The following PLPPR5 variants were observed in gnomAD, a reference collection of about 807,000 sequenced individuals.
PLPPR5 encodes phospholipid phosphatase-related protein type 5.
In PLPPR5, 16 loss-of-function variants were observed where a neutral mutation model predicts 33.9. The ratio of observed to expected loss-of-function variants is 0.47; its 90% CI spans 0.32 to 0.72. PLPPR5 has a LOEUF of 0.72. PLPPR5 is among the 30% of genes least tolerant of loss of function. PLPPR5 has a pLI of 0.03. For missense variants in PLPPR5, 301 were observed against 406.7 expected (o/e 0.74, Z 2.23); for synonymous variants, 163 against 150.3 (o/e 1.08, Z -0.62).
intron 5 of PLPPR5, among the ~76,000 whole-genome samples, chr1:98,900,706 C>T (rs1026141845): frequency 1.3e-5 from 2 of 152,106 alleles, no homozygotes; most frequent in Non-Finnish European, 2.9e-5. Flanking sequence ...AGCAACCTAA[C>T]ACTACTTGAC....
intron 3 of PLPPR5, among the ~76,000 whole-genome samples, chr1:98,935,889 A>G (rs1297588400): frequency 6.6e-6 from 1 of 152,144 alleles, no homozygotes; most frequent in African/African-American, 2.4e-5. Context: ...AAAAAACTAC[A>G]GAGACATTCG....
chr1:98,928,058 TA>T (rs1349532188), intron 3 of PLPPR5, among the ~76,000 whole-genome samples: 2 of 152,180 alleles, frequency 1.3e-5, no homozygotes, highest in African/African-American at 4.8e-5. Context: ...CTACTGAAGC[TA>T]AACACTTCTT....
chr1:98,972,543 T>C (rs752672202), intron 1 of PLPPR5, among the ~76,000 whole-genome samples: 1 of 152,134 alleles, frequency 6.6e-6, no homozygotes, highest in African/African-American at 2.4e-5. Flanking sequence ...TATGATACCA[T>C]TAGAATATTG....
At position 98,953,093 on chromosome 1, in the gene PLPPR5, C is replaced by T. The variant is rs1404926567; in HGVS notation, c.598G>A (p.Val200Ile). ...TFPSKEAALS[V>I]YAAMYLTMYI... ...ACGGTCAGATACATAGCTGCATAGA[C>T]ACTGAGAGCTGCTTCTTTGGATGGA... The change falls in exon 3 of 6, where the codon GTC becomes ATC. Residue 200 changes from valine (V) to isoleucine (I), a missense_variant. Val to Ile is a conservative substitution (Grantham distance 29). Coordinates refer to ENST00000263177, the MANE Select transcript of PLPPR5 (RefSeq NM_001037317.2). 3 of 1,614,062 alleles carry T rather than the reference C, an allele frequency of 1.9e-6. No individual in the cohort carries two copies.
At chr1:98,918,008 T>C (rs183263915) in intron 4 of PLPPR5, among the ~76,000 whole-genome samples, 1 of 152,362 alleles carries the variant, frequency 6.6e-6, no homozygotes, top group Admixed American at 6.5e-5. Context: ...GACTTCCGCA[T>C]GTATAATTCT....
chr1:98,976,946 A>G (rs1651885729), intron 1 of PLPPR5, among the ~76,000 whole-genome samples: 1 of 152,018 alleles, frequency 6.6e-6, no homozygotes, highest in Non-Finnish European at 1.5e-5. Flanking sequence ...GCTCCACAAT[A>G]ATAATTGCTC....
At chr1:98,972,817 G>T (rs1182525901) in intron 1 of PLPPR5, among the ~76,000 whole-genome samples, 4 of 152,040 alleles carry the variant, frequency 2.6e-5, no homozygotes, top group African/African-American at 7.2e-5. Flanking sequence ...TGTAGGCCTG[G>T]GCATGGCGTG....
intron 3 of PLPPR5, among the ~76,000 whole-genome samples, chr1:98,950,249 A>G (rs1236410965): frequency 6.6e-6 from 1 of 152,228 alleles, no homozygotes; most frequent in Non-Finnish European, 1.5e-5. Context: ...CGAGGATTCA[A>G]TAAATTATCA....
chr1:98,988,204 G>C (rs1430453966), intron 1 of PLPPR5, among the ~76,000 whole-genome samples: 1 of 152,052 alleles, frequency 6.6e-6, no homozygotes, highest in Non-Finnish European at 1.5e-5. Flanking sequence ...GTTTTAAAAA[G>C]TCAAATCTGA....
At position 98,946,071 on chromosome 1, in the gene PLPPR5, A is replaced by G. The variant is rs568404410; in HGVS notation, c.621+6999T>C. ...GGTCACATCAGTATAAGGGCTCTCA[A>G]TCTTAAGGAAACCAGCTAAATCCAA... On this transcript the variant is annotated intron_variant, in intron 3 of 5. Coordinates refer to ENST00000263177, the MANE Select transcript of PLPPR5 (RefSeq NM_001037317.2). Among the ~76,000 whole-genome samples, 5 of 152,258 alleles carry G rather than the reference A, an allele frequency of 3.3e-5. No homozygotes were observed. The South Asian group carries it at 1.0e-3, about 32-fold the overall frequency.
At chr1:98,902,115 T>C (rs1036929918) in intron 5 of PLPPR5, among the ~76,000 whole-genome samples, 1 of 152,050 alleles carries the variant, frequency 6.6e-6, no homozygotes, top group Non-Finnish European at 1.5e-5. Flanking sequence ...CTCCTTAAAA[T>C]GGAAATAAGA....
chr1:99,005,241 A>C (rs941727665), upstream of PLPPR5, among the ~76,000 whole-genome samples: 2 of 152,116 alleles, frequency 1.3e-5, no homozygotes, highest in Admixed American at 1.3e-4. Flanking sequence ...AGGTTTAAGA[A>C]ACCCGCACAA....
chr1:98,963,415 C>T (rs527253512), intron 1 of PLPPR5, among the ~76,000 whole-genome samples: 2 of 152,296 alleles, frequency 1.3e-5, no homozygotes, highest in Admixed American at 1.3e-4. Context: ...TATCTTTAAA[C>T]TTCTACTATT....
intron 1 of PLPPR5, among the ~76,000 whole-genome samples, chr1:98,963,647 T>A (rs577215861): frequency 6.6e-6 from 1 of 152,254 alleles, no homozygotes; most frequent in African/African-American, 2.4e-5. Context: ...GAGCCTCTCC[T>A]CCAGCTTTTC....
chr1:98,939,016 T>A (rs928555424), intron 3 of PLPPR5, among the ~76,000 whole-genome samples: 1 of 152,028 alleles, frequency 6.6e-6, no homozygotes, highest in African/African-American at 2.4e-5. Context: ...GAAAAACAAC[T>A]AATGGGTCCT....
At chr1:98,894,007 T>G (rs1648379236) in intron 5 of PLPPR5, among the ~76,000 whole-genome samples, 1 of 152,106 alleles carries the variant, frequency 6.6e-6, no homozygotes, top group Non-Finnish European at 1.5e-5. Context: ...CAAGTTTAAG[T>G]ATTTTAATTC....
intron 3 of PLPPR5, among the ~76,000 whole-genome samples, chr1:98,927,479 G>A (rs1649810352): frequency 6.6e-6 from 1 of 152,198 alleles, no homozygotes. Flanking sequence ...CTCACAGGAA[G>A]TAAAGATCCT....
intron 5 of PLPPR5, among the ~76,000 whole-genome samples, chr1:98,910,885 A>T (rs1401418553): frequency 9.3e-6 from 1 of 107,726 alleles, no homozygotes; most frequent in East Asian, 2.1e-4. Context: ...CTAGCCAGAG[A>T]GTGTTTTTTT....
In PLPPR5 at chr1:99,002,628, T is replaced by C. The variant is rs1174887324; in HGVS notation, c.237+1807A>G. On this transcript the variant is annotated intron_variant, in intron 1 of 5. Coordinates refer to ENST00000263177, the MANE Select transcript of PLPPR5 (RefSeq NM_001037317.2). ...CTAAATAGTGACTAATTCATTCTTTTTCTCCGTCCTACATTCCTCCTAAGT... is the reference window on the plus strand; with the variant it reads ...CTAAATAGTGACTAATTCATTCTTTCTCTCCGTCCTACATTCCTCCTAAGT... 2.0e-5 allele frequency among the ~76,000 whole-genome samples: 3 copies of C among 152,204 alleles called. No homozygotes were observed. In the East Asian group the frequency reaches 5.8e-4, roughly 29 times the overall value.
Sources: allele counts gnomAD v4.1 joint callset (sites outside exome capture counted in the v4.1 genomes callset), GRCh38; gene constraint gnomAD v4.1.1; transcripts MANE v1.5; gene names NCBI Gene and HGNC (gene_info 2026-07-23, HGNC 2026-07-21).